Variants in SF3A3 observed in about 807,000 individuals in gnomAD.
SF3A3 encodes the protein SAP 61.
SF3A3 carries 9 observed loss-of-function variants against 85.8 expected under a neutral mutation model. The ratio of observed to expected loss-of-function variants is 0.10; its 90% CI spans 0.06 to 0.18. The LOEUF (loss-of-function observed/expected upper bound fraction) is 0.18, where lower values mean the gene tolerates loss of function less well. Ranked by LOEUF, SF3A3 falls within the 10% of genes least tolerant of loss-of-function variation. SF3A3 has a pLI of 1.00. For missense variants in SF3A3, 306 were observed against 593.3 expected (o/e 0.52, Z 5.03); for synonymous variants, 195 against 204.4 (o/e 0.95, Z 0.39).
chr1:37,968,789 C>A (rs1445305539), intron 14 of SF3A3, among the ~76,000 whole-genome samples: 1 of 152,130 alleles, frequency 6.6e-6, no homozygotes, highest in Non-Finnish European at 1.5e-5. Flanking sequence ...AATTTGTCAT[C>A]CTTGGTCTAG....
At chr1:37,982,931 CAAAAAAAAATTTTTTTTTT>C (rs911570176) in intron 6 of SF3A3, among the ~76,000 whole-genome samples, 8 of 149,500 alleles carry the variant, frequency 5.4e-5, no homozygotes, top group African/African-American at 2.0e-4. Context: ...CCTATTTCTA[CAAAAAAAAATTTTTTTTTT>C]TGAGTTTGAG....
At chr1:37,979,441 C>A (rs781359763) in intron 9 of SF3A3, 24 bp downstream of exon 9, 1 of 1,570,116 alleles carries the variant, frequency 6.4e-7, no homozygotes, top group Admixed American at 1.7e-5. Context: ...AGAGAGAACA[C>A]TACTACTGCT....
At chr1:37,989,829 G>C (rs372872001) in intron 1 of SF3A3, 41 bp downstream of exon 1, 3 of 1,490,444 alleles carry the variant, frequency 2.0e-6, no homozygotes, top group African/African-American at 1.4e-5. Flanking sequence ...CGGGATAGAG[G>C]CTCGTGCTCC....
At chr1:37,988,806 A>G (rs1301509044) in intron 2 of SF3A3, among the ~76,000 whole-genome samples, 1 of 152,046 alleles carries the variant, frequency 6.6e-6, no homozygotes, top group African/African-American at 2.4e-5. Context: ...TAGTAGTCCA[A>G]AACGCTTTAA....
intron 12 of SF3A3, among the ~76,000 whole-genome samples, chr1:37,976,163 A>T (rs1260998601): frequency 6.6e-6 from 1 of 151,988 alleles, no homozygotes; most frequent in Non-Finnish European, 1.5e-5. Flanking sequence ...CTCAAAAAAA[A>T]AAAAAAAACT....
At chr1:37,989,617 C>A (rs1255427981) in intron 1 of SF3A3, 22 bp from the exon 2 acceptor site, 1 of 1,613,106 alleles carries the variant, frequency 6.2e-7, no homozygotes. Context: ...AACGGTGACA[C>A]AAACGCCGTT....
chr1:37,984,611 C>T, intron 5 of SF3A3, 96 bp downstream of exon 5: 1 of 876,386 alleles, frequency 1.1e-6, no homozygotes, highest in Non-Finnish European at 1.9e-6. Context: ...GCAAGAAATC[C>T]TGGCTATAAA....
At chr1:37,963,512 A>C (rs1011112658) in intron 15 of SF3A3, among the ~76,000 whole-genome samples, 1 of 152,118 alleles carries the variant, frequency 6.6e-6, no homozygotes, top group Non-Finnish European at 1.5e-5. Context: ...TAAGTAGATA[A>C]ATTCTGAAAG....
intron 2 of SF3A3, among the ~76,000 whole-genome samples, chr1:37,988,898 T>G (rs111393518): frequency 9.3e-4 from 87 of 93,902 alleles, no homozygotes; most frequent in African/African-American, 2.8e-3. Context: ...TATATATATT[T>G]TTTTTTTCAT....
chr1:37,979,053 C>T lies in SF3A3; in HGVS notation c.762G>A (p.Glu254=), dbSNP rs1646398888. ...LDLSAFSSWE[E]LASLGLDRLK... ...ATCTGTCCAAACCCAGAGAAGCCAA[C>T]TCCTATACAAAGAAGAGAAAAATTA... The change falls in exon 10 of 17, where the codon GAG becomes GAA. Residue 254 remains glutamate, a splice_region_variant and synonymous_variant. Transcript: ENST00000373019. 1.9e-6 allele frequency: 3 copies of T among 1,613,278 alleles called. No individual in the cohort carries two copies. In the African/African-American group the frequency reaches 4.0e-5, roughly 22 times the overall value.
intron 4 of SF3A3, among the ~76,000 whole-genome samples, chr1:37,986,065 C>T (rs1469069698): frequency 6.6e-6 from 1 of 151,382 alleles, no homozygotes; most frequent in African/African-American, 2.4e-5. Context: ...TCTCCTGTCT[C>T]AGCCTCATGA....
In SF3A3 at chr1:37,978,656, T is replaced by G. The variant is rs190842215; in HGVS notation, c.935+64A>C. The G allele has an allele frequency of 2.8e-5, 30 of 1,087,920 alleles. No homozygotes were observed. In the East Asian group the frequency reaches 7.3e-4, roughly 26 times the overall value. 67.4% of individuals were successfully genotyped at this position (1,087,920 alleles called of 1,614,324 possible). On this transcript the variant is annotated intron_variant, in intron 11 of 16. Coordinates refer to ENST00000373019, the MANE Select transcript of SF3A3 (RefSeq NM_006802.4). The stretch of plus-strand genomic sequence containing the variant: ...CAGGCTTTAAAGTCTCCACTGTGGT[T>G]AAAAATTCTGCATGGGAATAACATT...
chr1:37,979,705 G>A (rs559998750), intron 8 of SF3A3, among the ~76,000 whole-genome samples, 172 bp from the exon 9 acceptor site: 1 of 152,108 alleles, frequency 6.6e-6, no homozygotes, highest in Non-Finnish European at 1.5e-5. Flanking sequence ...AAAATTATCT[G>A]AATTAGCTGG....
rs1291420068 is a variant in SF3A3 at position 37,957,801 on chromosome 1, C to G, written c.*385G>C. The G allele has an allele frequency of 5.8e-6, 1 of 171,680 alleles. No individual in the cohort carries two copies. The highest frequency in any genetic ancestry group is 1.2e-5 in the Non-Finnish European group (1 of 80,762). The allele number at this position is 171,680 out of a possible 1,614,324, so 10.6% of individuals were successfully genotyped here. A position where few individuals can be genotyped will look rare whatever the true frequency, so the allele number is the denominator to read the frequency against. ...TAATACTCATTCAGGGAAGCAGCAA[C>G]AAAGGAGGGTGGGGAAAGAGGTCAG... On this transcript the variant is annotated 3_prime_UTR_variant, in exon 17 of 17. Coordinates refer to ENST00000373019, the MANE Select transcript of SF3A3 (RefSeq NM_006802.4).
In SF3A3 at chr1:37,989,997, C is replaced by T; in HGVS notation, c.-32G>A. 5 of 1,536,116 alleles carry T rather than the reference C, an allele frequency of 3.3e-6. No individual in the cohort carries two copies. The highest frequency in any genetic ancestry group is 4.5e-6 in the Non-Finnish European group (5 of 1,117,164). On this transcript the variant is annotated 5_prime_UTR_variant, in exon 1 of 17. Transcript: ENST00000373019. ...TTAGTCGCGGCTTCTCAATTCAGAC[C>T]ACCAACACGGCCGGAAGCAACTCCT...
chr1:37,970,712 AC>A (rs1470830578), intron 12 of SF3A3, among the ~76,000 whole-genome samples: 1 of 152,170 alleles, frequency 6.6e-6, no homozygotes, highest in Non-Finnish European at 1.5e-5. Flanking sequence ...CTCACTCAAA[AC>A]CGCTCAACTA....
rs1287798103 is a variant in SF3A3 at position 37,969,482 on chromosome 1, A to G, written c.1171-18T>C. ...GGAATAGGCTAAAAAAGAAAAAAAC[A>G]AAACAAAACCAAGAAGTGTTAGCCT... On this transcript the variant is annotated intron_variant, in intron 13 of 16. Coordinates refer to ENST00000373019, the MANE Select transcript of SF3A3 (RefSeq NM_006802.4). 12 of 1,613,116 alleles carry G rather than the reference A, an allele frequency of 7.4e-6. No homozygotes were observed. The highest frequency in any genetic ancestry group is 1.0e-5 in the Non-Finnish European group (12 of 1,179,076).
chr1:37,960,362 T>C (rs1646248625), intron 15 of SF3A3, 187 bp from the exon 16 acceptor site: 1 of 522,122 alleles, frequency 1.9e-6, no homozygotes, highest in East Asian at 2.8e-5. Flanking sequence ...ACTGCAAAAT[T>C]CATCATGATC....
intron 15 of SF3A3, among the ~76,000 whole-genome samples, chr1:37,961,451 G>C (rs1186856420): frequency 6.6e-6 from 1 of 151,908 alleles, no homozygotes; most frequent in African/African-American, 2.4e-5. Flanking sequence ...GAGCGTGGTG[G>C]TGCATGCCTG....
Sources: gnomAD v4.1 joint callset for allele counts (sites outside exome capture counted in the v4.1 genomes callset) on GRCh38, gnomAD v4.1.1 for gene constraint, MANE v1.5 for transcripts, NCBI Gene and HGNC (gene_info 2026-07-23, HGNC 2026-07-21) for gene names.